RELCH: variants seen among roughly 807,000 people sequenced by gnomAD.
RELCH encodes the protein RAB11-binding protein RELCH.
A neutral mutation model predicts 150.3 loss-of-function variants in RELCH; 41 were observed. That is an observed-to-expected ratio of 0.27 (90% confidence interval 0.21 to 0.35). The LOEUF is 0.35. Among genes scored for constraint, RELCH ranks in the 10% least tolerant of loss-of-function variants. The pLI is 1.00. For synonymous variants in RELCH, 478 were observed against 531.8 expected, an observed-to-expected ratio of 0.90 and a Z score of 1.39; for missense variants, 1,092 against 1,467.8, an observed-to-expected ratio of 0.74 and a Z score of 4.18.
In RELCH at chr18:62,227,681, A is replaced by C. The variant is rs1264315379; in HGVS notation, c.1146A>C (p.Arg382Ser). 2 of 1,509,958 alleles carry C rather than the reference A, an allele frequency of 1.3e-6. No homozygotes were observed. The highest frequency in any genetic ancestry group is 1.8e-6 in the Non-Finnish European group (2 of 1,097,180). 93.5% of individuals were successfully genotyped at this position (1,509,958 alleles called of 1,614,324 possible). ...EKWSLMEQIR[R>S]LKSEMDFLKN... The stretch of plus-strand genomic sequence containing the variant: ...GGTCATTGATGGAGCAAATCAGAAG[A>C]CTTAAAAGGTTAGTACTTGATCATT... Residue 382 changes from arginine to serine, a missense_variant, in exon 7 of 29, where the codon AGA (arginine) becomes AGC (serine). Arg to Ser is a moderately radical substitution (Grantham distance 110). Coordinates refer to ENST00000644646, the MANE Select transcript of RELCH (RefSeq NM_001346231.2).
At chr18:62,259,604 G>T (rs539539003) in intron 15 of RELCH, among the ~76,000 whole-genome samples, 25 of 151,914 alleles carry the variant, frequency 1.6e-4, no homozygotes, top group African/African-American at 5.1e-4. Flanking sequence ...TCAAAATATG[G>T]AGGACATTCT....
At chr18:62,189,259 G>GTTTTTTTTTTT (rs748259898) in intron 1 of RELCH, among the ~76,000 whole-genome samples, 1 of 118,076 alleles carries the variant, frequency 8.5e-6, no homozygotes, top group Non-Finnish European at 1.8e-5. Flanking sequence ...GTCTTTTTTT[G>GTTTTTTTTTTT]TTTTTTTTTT....
At chr18:62,276,019 T>C (rs910509255) in intron 22 of RELCH, among the ~76,000 whole-genome samples, 2 of 152,304 alleles carry the variant, frequency 1.3e-5, no homozygotes, top group Middle Eastern at 3.4e-3. Context: ...TAAATTGTAC[T>C]AAATTGCTAC....
At position 62,249,683 on chromosome 18, in the gene RELCH, C is replaced by G. The variant is rs146365257; in HGVS notation, c.1734-2981C>G. Among the ~76,000 whole-genome samples, 932 of 151,918 alleles carry G rather than the reference C, an allele frequency of 6.1e-3. 5 individuals carry two copies. Among genetic ancestry groups the G allele is most frequent in the Non-Finnish European group, 0.01 (709 of 67,942 alleles). On this transcript the variant is annotated intron_variant, in intron 11 of 28. Coordinates refer to ENST00000644646, the MANE Select transcript of RELCH (RefSeq NM_001346231.2). ...AAAGCTAACAGCTGCCACCTGGTGG[C>G]CAAAAGTACTTACTAGCCTTACTTC...
At chr18:62,291,508 G>A in intron 26 of RELCH, 35 bp from the exon 27 acceptor site, 1 of 1,383,418 alleles carries the variant, frequency 7.2e-7, no homozygotes, top group Non-Finnish European at 1.0e-6. Flanking sequence ...TACCAATTTG[G>A]TTTTGTTTAA....
intron 26 of RELCH, among the ~76,000 whole-genome samples, chr18:62,290,742 G>A (rs945027091): frequency 6.6e-6 from 1 of 152,126 alleles, no homozygotes; most frequent in African/African-American, 2.4e-5. Context: ...AGAACTACAA[G>A]TAATCCTAAA....
At chr18:62,198,053 T>C (rs1216052614) in intron 1 of RELCH, among the ~76,000 whole-genome samples, 1 of 152,204 alleles carries the variant, frequency 6.6e-6, no homozygotes, top group East Asian at 1.9e-4. Context: ...TAAAAAATAA[T>C]TAGAGTGACA....
At chr18:62,217,118 A>G (rs1042752775) in intron 2 of RELCH, among the ~76,000 whole-genome samples, 1 of 152,084 alleles carries the variant, frequency 6.6e-6, no homozygotes, top group Non-Finnish European at 1.5e-5. Flanking sequence ...TAATCTAAAA[A>G]TAAAAGTGAT....
In RELCH at chr18:62,280,679, C is replaced by T. The variant is rs747468559; in HGVS notation, c.3084C>T (p.Gly1028=). 6.8e-6 allele frequency: 11 copies of T among 1,610,682 alleles called. No individual in the cohort carries two copies. In the South Asian group the frequency reaches 1.2e-4, roughly 18 times the overall value. The stretch of plus-strand genomic sequence containing the variant: ...GGATTGCCACAATTCCAGCCTTTGG[C>T]ACTATTATGGAAACAGTAATTCAAA... ...SVRIATIPAF[G]TIMETVIQRE... The change falls in exon 24 of 29, where the codon GGC becomes GGT. Residue 1028 remains glycine, a synonymous_variant. Coordinates refer to ENST00000644646, the MANE Select transcript of RELCH (RefSeq NM_001346231.2).
intron 1 of RELCH, among the ~76,000 whole-genome samples, chr18:62,191,460 G>A (rs148915246): frequency 5.2e-3 from 785 of 152,048 alleles, no homozygotes; most frequent in South Asian, 8.1e-3. Flanking sequence ...ACATGTGCAG[G>A]GTGTGCAGAT....
At chr18:62,257,880 T>G in intron 13 of RELCH, 68 bp from the exon 14 acceptor site, 2 of 1,209,014 alleles carry the variant, frequency 1.7e-6, no homozygotes, top group Non-Finnish European at 2.3e-6. Flanking sequence ...ACACTGATGT[T>G]TGTCATATTA....
chr18:62,261,074 G>A (rs775774645), intron 15 of RELCH, among the ~76,000 whole-genome samples: 5 of 151,926 alleles, frequency 3.3e-5, no homozygotes, highest in South Asian at 2.1e-4. Context: ...AATGATACAC[G>A]TTCGAGGTGA....
chr18:62,286,135 G>A (rs538672447), intron 25 of RELCH, among the ~76,000 whole-genome samples: 70 of 152,244 alleles, frequency 4.6e-4, no homozygotes, highest in Non-Finnish European at 8.5e-4. Context: ...AGGAGAAGAT[G>A]AAATAAAGGA....
chr18:62,264,735 A>G lies in RELCH; in HGVS notation c.2514A>G (p.Pro838=), dbSNP rs1398037041. The change falls in exon 18 of 29, where the codon CCA becomes CCG. Residue 838 remains proline, a synonymous_variant. Coordinates refer to ENST00000644646, the MANE Select transcript of RELCH (RefSeq NM_001346231.2). ...SLLWVVNQLL[P]QLIEIVGKIN... is the part of the protein sequence containing the mutation. ...TCTTTCCTTTCATATTCAGGTTGCC[A>G]CAACTTATAGAAATAGTTGGCAAAA... 6.3e-7 allele frequency: 1 copy of G among 1,591,916 alleles called. No individual in the cohort carries two copies. Among genetic ancestry groups the G allele is most frequent in the East Asian group, 2.2e-5 (1 of 44,568 alleles).
intron 8 of RELCH, 132 bp downstream of exon 8, chr18:62,228,730 C>A: frequency 1.5e-6 from 1 of 648,002 alleles, no homozygotes; most frequent in Non-Finnish European, 2.5e-6. Flanking sequence ...TTGACATGAA[C>A]TTAACACATA....
At chr18:62,205,171 A>G (rs959197783) in intron 1 of RELCH, among the ~76,000 whole-genome samples, 1 of 152,214 alleles carries the variant, frequency 6.6e-6, no homozygotes, top group Non-Finnish European at 1.5e-5. Context: ...TTAATACTTT[A>G]TCATGCATGT....
Position 62,258,540 on chromosome 18 carries a change from G to T in RELCH, c.2066G>T (p.Gly689Val). ...TTTGAATTGTTGCTGTCAGCCTTGG[G>T]TGATCCCTCAGAAAGAGTAGTTAGT... Reference protein sequence around the residue: ...QGFELLLSALGDPSERVVSAT... With the variant: ...QGFELLLSALVDPSERVVSAT... Residue 689 changes from glycine (G) to valine (V), a missense_variant, in exon 15 of 29, where the codon GGT becomes GTT. Physicochemically the swap from Gly to Val is moderately radical, Grantham distance 109. Coordinates refer to ENST00000644646, the MANE Select transcript of RELCH (RefSeq NM_001346231.2). 6.2e-7 allele frequency: 1 copy of T among 1,607,166 alleles called. No individual in the cohort carries two copies. The highest frequency in any genetic ancestry group is 8.5e-7 in the Non-Finnish European group (1 of 1,177,344).
At chr18:62,203,415 C>G (rs1466444344) in intron 1 of RELCH, among the ~76,000 whole-genome samples, 1 of 152,096 alleles carries the variant, frequency 6.6e-6, no homozygotes, top group Admixed American at 6.5e-5. Context: ...CGAGATTGCG[C>G]CACTGCACTC....
chr18:62,200,327 G>A (rs747131276), intron 1 of RELCH, among the ~76,000 whole-genome samples: 17 of 152,112 alleles, frequency 1.1e-4, no homozygotes, highest in South Asian at 8.3e-4. Flanking sequence ...AAGTTTTACC[G>A]AAGTTTTATC....
Sources: allele counts gnomAD v4.1 joint callset (sites outside exome capture counted in the v4.1 genomes callset), GRCh38; gene constraint gnomAD v4.1.1; transcripts MANE v1.5; gene names NCBI Gene and HGNC (gene_info 2026-07-23, HGNC 2026-07-21).